SSC4D: variants seen among roughly 807,000 people sequenced by gnomAD.
SSC4D encodes the protein scavenger receptor cysteine-rich domain-containing group B protein.
In SSC4D, 57 loss-of-function variants were observed where a neutral mutation model predicts 63.4. That is an observed-to-expected ratio of 0.90 (90% CI 0.73 to 1.12). The LOEUF (loss-of-function observed/expected upper bound fraction) is 1.12. Ranked by LOEUF, SSC4D falls within the 50% of genes most tolerant of loss-of-function variation. SSC4D has a pLI of 0.00. For missense variants in SSC4D, 791 were observed against 806.4 expected (o/e 0.98, Z 0.23); for synonymous variants, 352 against 345.4 (o/e 1.02, Z -0.21).
chr7:76,394,109 A>AT (rs1418632696), intron 7 of SSC4D, among the ~76,000 whole-genome samples: 1 of 152,116 alleles, frequency 6.6e-6, no homozygotes, highest in Non-Finnish European at 1.5e-5. Flanking sequence ...AATTCTAGGT[A>AT]TTATCCTAAC....
At chr7:76,393,808 A>C (rs746333736) in intron 8 of SSC4D, 22 bp downstream of exon 8, 19 of 1,416,512 alleles carry the variant, frequency 1.3e-5, no homozygotes, top group Non-Finnish European at 1.7e-5. Flanking sequence ...CATCCCCCGC[A>C]GACCCAGGCA....
At chr7:76,409,170 T>C (rs1404917124) in intron 1 of SSC4D, among the ~76,000 whole-genome samples, 1 of 152,076 alleles carries the variant, frequency 6.6e-6, no homozygotes, top group East Asian at 1.9e-4. Context: ...ACAGGGTGGA[T>C]ACTCAGGAAA....
At chr7:76,405,504 C>T (rs1316606096) in intron 1 of SSC4D, among the ~76,000 whole-genome samples, 3 of 149,704 alleles carry the variant, frequency 2.0e-5, no homozygotes, top group African/African-American at 4.9e-5. Context: ...TTTTATGAGT[C>T]GGGTATGGTG....
At chr7:76,400,891 T>C in intron 3 of SSC4D, 117 bp downstream of exon 3, 2 of 1,366,380 alleles carry the variant, frequency 1.5e-6, no homozygotes, top group Admixed American at 4.0e-5. Context: ...TCCCCTGAGA[T>C]GGGGGCATCT....
intron 7 of SSC4D, among the ~76,000 whole-genome samples, chr7:76,394,562 CTAATTTTTGTATTTTTATTTATTTATTTT>C (rs1363309743): frequency 6.6e-6 from 1 of 151,174 alleles, no homozygotes; most frequent in Non-Finnish European, 1.5e-5. Flanking sequence ...AGGCGCCCGG[CTAATTTTTGTATTTTTATTTATTTATTTT>C]TAATTTTTGT....
Position 76,400,538 on chromosome 7 carries a change from G to A in SSC4D, c.223C>T (p.His75Tyr). ...CAGACGCTGCCCCAGGAGCCACCGT[G>A]CATGACTTCCAGGCGGCCCCGGCAG... is the stretch of plus-strand genomic sequence containing the variant. ...SRCRGRLEVM[H>Y]GGSWGSVCDD... Residue 75 changes from histidine to tyrosine, a missense_variant, in exon 4 of 11, where the codon CAC becomes TAC. His to Tyr is a moderately conservative substitution (Grantham distance 83). Transcript: ENST00000275560. 1.9e-6 allele frequency: 3 copies of A among 1,555,638 alleles called. No individual in the cohort carries two copies. The highest frequency in any genetic ancestry group is 2.6e-6 in the Non-Finnish European group (3 of 1,149,098).
intron 4 of SSC4D, 144 bp downstream of exon 4, chr7:76,400,142 C>A (rs943824305): frequency 4.2e-6 from 4 of 951,106 alleles, no homozygotes; most frequent in Non-Finnish European, 5.6e-6. Context: ...GGCTGGGGTT[C>A]TTCCCTGGCA....
Position 76,404,453 on chromosome 7 carries a change from G to C in SSC4D, c.-14C>G, listed in dbSNP as rs78570745. On this transcript the variant is annotated 5_prime_UTR_variant, in exon 2 of 11. Coordinates refer to ENST00000275560, the MANE Select transcript of SSC4D (RefSeq NM_080744.2). ...TTCCTTGTGCATCTAGATGGTGAAGGGTGTTTCAGATGCTCCCATCAAGGC... is the reference window on the plus strand; with the variant it reads ...TTCCTTGTGCATCTAGATGGTGAAGCGTGTTTCAGATGCTCCCATCAAGGC... 2.8e-4 allele frequency: 457 copies of C among 1,613,958 alleles called. 3 individuals carry two copies. In the East Asian group the frequency reaches 3.9e-3, roughly 14 times the overall value.
chr7:76,391,573 A>C (rs984488219), intron 10 of SSC4D, among the ~76,000 whole-genome samples: 5 of 152,122 alleles, frequency 3.3e-5, no homozygotes, highest in African/African-American at 1.2e-4. Flanking sequence ...TCCTCTGTTC[A>C]TAATCCCAGT....
chr7:76,398,856 G>T, intron 4 of SSC4D, 59 bp from the exon 5 acceptor site: 1 of 1,566,354 alleles, frequency 6.4e-7, no homozygotes, highest in Non-Finnish European at 8.8e-7. Flanking sequence ...CACACCACGG[G>T]GTGTTTAAGG....
chr7:76,404,546 C>A, intron 1 of SSC4D, 41 bp from the exon 2 acceptor site: 1 of 1,540,106 alleles, frequency 6.5e-7, no homozygotes, highest in East Asian at 2.3e-5. Context: ...CCTCCCAGCA[C>A]TTTGGGAGGC....
chr7:76,398,934 G>T, intron 4 of SSC4D, 137 bp from the exon 5 acceptor site: 1 of 793,254 alleles, frequency 1.3e-6, no homozygotes, highest in Non-Finnish European at 2.1e-6. Context: ...TCACAGCCAG[G>T]AACACTGGGG....
intron 2 of SSC4D, among the ~76,000 whole-genome samples, chr7:76,403,684 CAG>C (rs1201358302): frequency 6.6e-6 from 1 of 151,548 alleles, no homozygotes; most frequent in Non-Finnish European, 1.5e-5. Flanking sequence ...CTTTTTGAGA[CAG>C]AGTCTCGCTC....
chr7:76,398,187 T>C (rs1460780935), intron 5 of SSC4D, among the ~76,000 whole-genome samples: 1 of 152,138 alleles, frequency 6.6e-6, no homozygotes, highest in Non-Finnish European at 1.5e-5. Flanking sequence ...CTTCTTTGCC[T>C]CTTTCACTGT....
intron 1 of SSC4D, among the ~76,000 whole-genome samples, chr7:76,407,430 C>G (rs568376245): frequency 2.4e-4 from 36 of 151,798 alleles, no homozygotes; most frequent in Non-Finnish European, 4.9e-4. Flanking sequence ...CTTCCAGGTT[C>G]AAGCGATTCT....
At chr7:76,408,431 G>A (rs1224791681) in intron 1 of SSC4D, among the ~76,000 whole-genome samples, 2 of 152,056 alleles carry the variant, frequency 1.3e-5, no homozygotes, top group Non-Finnish European at 2.9e-5. Flanking sequence ...TTGTGGGGGG[G>A]CACATAGTTA....
chr7:76,390,469 C>T (rs1461736579), intron 10 of SSC4D, 94 bp from the exon 11 acceptor site: 2 of 1,170,518 alleles, frequency 1.7e-6, no homozygotes, highest in East Asian at 2.5e-5. Flanking sequence ...GTCTGAGACA[C>T]TCTGAGCACT....
At chr7:76,392,494 G>T (rs1804514534) in intron 9 of SSC4D, among the ~76,000 whole-genome samples, 1 of 150,852 alleles carries the variant, frequency 6.6e-6, no homozygotes, top group Non-Finnish European at 1.5e-5. Flanking sequence ...AGGTTGCAGT[G>T]AGCCACTGCA....
intron 2 of SSC4D, among the ~76,000 whole-genome samples, chr7:76,401,769 T>G (rs1038242909): frequency 3.3e-5 from 5 of 152,176 alleles, no homozygotes; most frequent in Non-Finnish European, 5.9e-5. Context: ...GAAGCCATCC[T>G]GGAGCCCTCA....
Sources: gnomAD v4.1 joint callset for allele counts (sites outside exome capture counted in the v4.1 genomes callset) on GRCh38, gnomAD v4.1.1 for gene constraint, MANE v1.5 for transcripts, NCBI Gene and HGNC (gene_info 2026-07-23, HGNC 2026-07-21) for gene names.